The following GNPTG variants were observed in gnomAD, a reference collection of about 807,000 sequenced individuals.
GNPTG encodes the protein N-acetylglucosamine-1-phosphate transferase subunit gamma.
In GNPTG, 46 loss-of-function variants were observed where a neutral mutation model predicts 43.8. The ratio of observed to expected loss-of-function variants is 1.05; its 90% CI spans 0.83 to 1.34. The LOEUF (loss-of-function observed/expected upper bound fraction) is 1.34, where lower values mean the gene tolerates loss of function less well. Among genes scored for constraint, GNPTG ranks in the 40% most tolerant of loss-of-function variants. The probability of loss-of-function intolerance (pLI) is 0.00; values close to 1 mark genes in which losing one functional copy is unlikely to be tolerated. For synonymous variants in GNPTG, 250 were observed against 172.8 expected (o/e 1.45, Z -3.50); for missense variants, 549 against 411.3 (o/e 1.33, Z -2.90).
At chr16:1,357,797 G>A (rs538651362) in intron 3 of GNPTG, 1 of 152,630 alleles carries the variant, frequency 6.6e-6, no homozygotes, top group African/African-American at 2.4e-5. Flanking sequence ...ACAGTCATGA[G>A]CCACCGCGCC....
At chr16:1,352,640 T>C (rs1245367355) in intron 3 of GNPTG, 16 of 367,722 alleles carry the variant, frequency 4.4e-5, no homozygotes, top group Non-Finnish European at 6.7e-5. Context: ...TAAAAAATCA[T>C]GCTGCGCGAG....
intron 3 of GNPTG, among the ~76,000 whole-genome samples, chr16:1,356,306 C>G (rs1275020937): frequency 6.6e-6 from 1 of 152,108 alleles, no homozygotes; most frequent in Non-Finnish European, 1.5e-5. Context: ...GAACACGGAG[C>G]CTGCAGGGGA....
At position 1,362,980 on chromosome 16, in the gene GNPTG, A is replaced by C. The variant is rs761633928; in HGVS notation, c.824-17A>C. 7.4e-6 allele frequency: 12 copies of C among 1,613,968 alleles called. No individual in the cohort carries two copies. The East Asian group carries it at 1.3e-4, about 18-fold the overall frequency. ...CTGTGGGTCCAGGTGAGGACTGGCC[A>C]CCTGGTGTTTTGGCAGAAACTTCCA... On this transcript the variant is annotated splice_polypyrimidine_tract_variant and intron_variant, in intron 10 of 10. Coordinates refer to ENST00000204679, the MANE Select transcript of GNPTG (RefSeq NM_032520.5).
In GNPTG at chr16:1,362,690, T is replaced by C; in HGVS notation, c.689T>C (p.Leu230Pro). ...CCAGAAGAAAATGAACCCACCCAGC[T>C]GGAGGGAGGTCCTGACAGCTTGGGG... ...KTPEENEPTQ[L>P]EGGPDSLGFE... The change falls in exon 9 of 11, where the codon CTG becomes CCG. Residue 230 changes from leucine to proline, a missense_variant. Coordinates refer to ENST00000204679, the MANE Select transcript of GNPTG (RefSeq NM_032520.5). 1 of 1,614,108 alleles carries C rather than the reference T, an allele frequency of 6.2e-7. No individual in the cohort carries two copies. The highest frequency in any genetic ancestry group is 8.5e-7 in the Non-Finnish European group (1 of 1,180,024).
intron 4 of GNPTG, 29 bp downstream of exon 4, chr16:1,361,826 C>G (rs757226714): frequency 1.5e-5 from 25 of 1,613,954 alleles, no homozygotes; most frequent in Non-Finnish European, 1.9e-5. Context: ...CGAGGGTGGG[C>G]TGGGGCGCAG....
At chr16:1,354,681 T>A (rs964991065) in intron 3 of GNPTG, among the ~76,000 whole-genome samples, 1 of 151,860 alleles carries the variant, frequency 6.6e-6, no homozygotes, top group Non-Finnish European at 1.5e-5. Flanking sequence ...GCCAGTCAGG[T>A]TCACATGTGC....
chr16:1,358,913 G>C (rs1481961009), intron 3 of GNPTG: 2 of 151,594 alleles, frequency 1.3e-5, no homozygotes, highest in African/African-American at 2.4e-5. Context: ...CCAGACTGGA[G>C]TACAGTGGCG....
At chr16:1,360,136 C>A (rs938211093) in intron 3 of GNPTG, among the ~76,000 whole-genome samples, 1 of 151,772 alleles carries the variant, frequency 6.6e-6, no homozygotes, top group African/African-American at 2.4e-5. Context: ...ATGGATGTCT[C>A]ATGTCAGCTT....
chr16:1,355,730 A>G (rs1380893683), intron 3 of GNPTG, among the ~76,000 whole-genome samples: 59 of 140,000 alleles, frequency 4.2e-4, no homozygotes, highest in African/African-American at 1.6e-3. Context: ...CCAGCTGGGC[A>G]GGACTCTGGG....
In GNPTG at chr16:1,364,057, G is replaced by A. The variant is rs531755151; in HGVS notation, c.*966G>A. On this transcript the variant is annotated 3_prime_UTR_variant, in exon 11 of 11. Coordinates refer to ENST00000204679, the MANE Select transcript of GNPTG (RefSeq NM_032520.5). ...ACCACTTATCCCAGAAAAGACCAGA[G>A]GCTCCAAATGGGAACCAAGTGCATA... is the stretch of plus-strand genomic sequence containing the variant. 6.6e-6 allele frequency: 1 copy of A among 152,300 alleles called. No individual in the cohort carries two copies. Among genetic ancestry groups the A allele is most frequent in the Admixed American group, 6.5e-5 (1 of 15,308 alleles). The allele number at this position is 152,300 out of a possible 1,614,324, so 9.4% of individuals were successfully genotyped here. A position where few individuals can be genotyped will look rare whatever the true frequency, so the allele number is the denominator to read the frequency against.
In GNPTG at chr16:1,363,646, G is replaced by T. The variant is rs1453352877; in HGVS notation, c.*555G>T. The T allele has an allele frequency of 5.3e-6, 1 of 188,904 alleles. No homozygotes were observed. The highest frequency in any genetic ancestry group is 1.1e-5 in the Non-Finnish European group (1 of 89,666). The allele number at this position is 188,904 out of a possible 1,614,324, so 11.7% of individuals were successfully genotyped here. ...GCGCCTCCACCTCAGCCTCCACGGG[G>T]CACCTTCCAGCCACTGCTGTGCCTC... On this transcript the variant is annotated 3_prime_UTR_variant, in exon 11 of 11. Coordinates refer to ENST00000204679, the MANE Select transcript of GNPTG (RefSeq NM_032520.5).
Position 1,351,959 on chromosome 16 carries a change from C to A in GNPTG, c.-7C>A, listed in dbSNP as rs1299832603. 17 of 1,293,572 alleles carry A rather than the reference C, an allele frequency of 1.3e-5. No homozygotes were observed. Among genetic ancestry groups the A allele is most frequent in the South Asian group, 2.5e-5 (1 of 40,062 alleles). 80.1% of individuals were successfully genotyped at this position (1,293,572 alleles called of 1,614,324 possible). On this transcript the variant is annotated 5_prime_UTR_variant, in exon 1 of 11. Coordinates refer to ENST00000204679, the MANE Select transcript of GNPTG (RefSeq NM_032520.5). ...TCACGTGACCGCGCGGCGGCCGCTG[C>A]GGCGCGATGGCGGCGGGGCTGGCGC...
rs753187739 is a variant in GNPTG at position 1,363,935 on chromosome 16, G to T, written c.*844G>T. 2 of 152,246 alleles carry T rather than the reference G, an allele frequency of 1.3e-5. No homozygotes were observed. Among genetic ancestry groups the T allele is most frequent in the Non-Finnish European group, 2.9e-5 (2 of 68,050 alleles). 9.4% of individuals were successfully genotyped at this position (152,246 alleles called of 1,614,324 possible). A position where few individuals can be genotyped will look rare whatever the true frequency, so the allele number is the denominator to read the frequency against. On this transcript the variant is annotated 3_prime_UTR_variant, in exon 11 of 11. Transcript: ENST00000204679. ...GCTGAGCCCTGGAGACACCCTGAGG[G>T]GCGGGCGCCACCTCCTTCCCAGAAA...
chr16:1,363,120 C>T lies in GNPTG; in HGVS notation c.*29C>T, dbSNP rs377184531. On this transcript the variant is annotated 3_prime_UTR_variant, in exon 11 of 11. Coordinates refer to ENST00000204679, the MANE Select transcript of GNPTG (RefSeq NM_032520.5). Reference sequence around the variant, plus strand: ...TGTGGTGGGAGAGCAGAGGTGGACGCGGCCGAGAGCCCTACAGAGAAGCTG... The same window carrying T: ...TGTGGTGGGAGAGCAGAGGTGGACGTGGCCGAGAGCCCTACAGAGAAGCTG... 18 of 1,598,128 alleles carry T rather than the reference C, an allele frequency of 1.1e-5. No individual in the cohort carries two copies. The highest frequency in any genetic ancestry group is 1.1e-4 in the African/African-American group (8 of 74,512).
intron 3 of GNPTG, among the ~76,000 whole-genome samples, chr16:1,352,744 C>T (rs1489525537): frequency 1.3e-5 from 2 of 151,966 alleles, no homozygotes; most frequent in African/African-American, 4.8e-5. Context: ...GTGCTCAGCA[C>T]GCGATAGGAT....
At chr16:1,352,418 G>C in intron 3 of GNPTG, 112 bp downstream of exon 3, 1 of 1,075,780 alleles carries the variant, frequency 9.3e-7, no homozygotes, top group African/African-American at 1.6e-5. Flanking sequence ...GCATTGGTTT[G>C]TCAGCCTTCT....
intron 3 of GNPTG, among the ~76,000 whole-genome samples, chr16:1,354,585 C>CAAAAAAAAAAAAAAAAAAAAAAAA (rs869067502): frequency 4.5e-5 from 2 of 44,368 alleles, no homozygotes; most frequent in Non-Finnish European, 8.1e-5. Flanking sequence ...GACTTCGTCT[C>CAAAAAAAAAAAAAAAAAAAAAAAA]AAAAAAAAAA....
In GNPTG at chr16:1,362,144, A is replaced by T; in HGVS notation, c.411+13A>T. The stretch of plus-strand genomic sequence containing the variant: ...CCGGCAGAGCAAGGTGGGGCCTCAG[A>T]CGGGAGCCCGGGAAGAGGGGCCCCA... On this transcript the variant is annotated intron_variant, in intron 6 of 10. Coordinates refer to ENST00000204679, the MANE Select transcript of GNPTG (RefSeq NM_032520.5). The T allele has an allele frequency of 1.2e-6, 2 of 1,612,654 alleles. No individual in the cohort carries two copies. Among genetic ancestry groups the T allele is most frequent in the South Asian group, 2.2e-5 (2 of 91,012 alleles).
At chr16:1,359,633 A>C (rs907487636) in intron 3 of GNPTG, among the ~76,000 whole-genome samples, 1 of 152,070 alleles carries the variant, frequency 6.6e-6, no homozygotes. Flanking sequence ...TAATTTTTGG[A>C]ATCAGTATGT....
Sources: gnomAD v4.1 joint callset for allele counts (sites outside exome capture counted in the v4.1 genomes callset) on GRCh38, gnomAD v4.1.1 for gene constraint, MANE v1.5 for transcripts, NCBI Gene and HGNC (gene_info 2026-07-23, HGNC 2026-07-21) for gene names.